The following PRLR variants were observed in gnomAD, a reference collection of about 807,000 sequenced individuals.
PRLR encodes hPRL receptor.
PRLR carries 13 observed loss-of-function variants against 40.2 expected under a neutral mutation model. The observed-to-expected ratio is 0.32, with a 90% CI of 0.21 to 0.51. The LOEUF is 0.51. Among genes scored for constraint, PRLR ranks in the 20% least tolerant of loss-of-function variants. The probability of loss-of-function intolerance (pLI) is 0.97; values close to 1 mark genes in which losing one functional copy is unlikely to be tolerated. For missense variants in PRLR, 656 were observed against 747.3 expected, an observed-to-expected ratio of 0.88 and a Z score of 1.42; for synonymous variants, 269 against 278.7, an observed-to-expected ratio of 0.97 and a Z score of 0.35.
intron 1 of PRLR, among the ~76,000 whole-genome samples, chr5:35,207,441 G>A (rs896327380): frequency 5.9e-5 from 9 of 151,890 alleles, no homozygotes; most frequent in Admixed American, 2.0e-4. Context: ...AGAATACCCC[G>A]TCAATAAATA....
At chr5:35,103,638 CTCT>C (rs754638146) in intron 2 of PRLR, among the ~76,000 whole-genome samples, 34 of 152,212 alleles carry the variant, frequency 2.2e-4, no homozygotes, top group Middle Eastern at 3.2e-3. Flanking sequence ...TGTGTAAACA[CTCT>C]TCTTAGTAGT....
At chr5:35,049,219 T>C (rs1768390153) in exon 9 of PRLR, 4 of 702,044 alleles carry the variant, frequency 5.7e-6, no homozygotes, top group African/African-American at 3.5e-5. Flanking sequence ...GGGTGCACAG[T>C]CTGTCCTGTG....
At chr5:35,141,812 C>T (rs905031046) in intron 1 of PRLR, among the ~76,000 whole-genome samples, 6 of 152,146 alleles carry the variant, frequency 3.9e-5, no homozygotes, top group African/African-American at 7.2e-5. Flanking sequence ...CCCTCCCACC[C>T]CCAACTCCTC....
intron 1 of PRLR, among the ~76,000 whole-genome samples, chr5:35,144,810 G>C (rs1200328236): frequency 2.0e-5 from 3 of 151,996 alleles, no homozygotes; most frequent in Non-Finnish European, 4.4e-5. Context: ...TCACTGTGTT[G>C]CCCAGGCTGA....
At chr5:35,200,826 G>C (rs1240060988) in intron 1 of PRLR, among the ~76,000 whole-genome samples, 1 of 152,160 alleles carries the variant, frequency 6.6e-6, no homozygotes, top group African/African-American at 2.4e-5. Flanking sequence ...ATATCCAACA[G>C]TTTAAAGAGT....
intron 1 of PRLR, among the ~76,000 whole-genome samples, chr5:35,196,308 A>G (rs1323871606): frequency 2.6e-5 from 4 of 152,194 alleles, no homozygotes; most frequent in Non-Finnish European, 5.9e-5. Flanking sequence ...GTAAGGTAAA[A>G]GGACAGGGAG....
At chr5:35,050,190 C>T (rs145127368) in intron 8 of PRLR, among the ~76,000 whole-genome samples, 108 of 152,266 alleles carry the variant, frequency 7.1e-4, no homozygotes, top group Admixed American at 1.3e-3. Flanking sequence ...TGAGCCACTG[C>T]GCCCGGCCGG....
chr5:35,086,815 C>T (rs181336034), intron 3 of PRLR, among the ~76,000 whole-genome samples: 11 of 152,134 alleles, frequency 7.2e-5, no homozygotes, highest in South Asian at 2.1e-4. Context: ...GGCAAAACAC[C>T]GCTCTATGGC....
At chr5:35,159,096 T>TTCTACAG (rs1774595225) in intron 1 of PRLR, among the ~76,000 whole-genome samples, 1 of 152,132 alleles carries the variant, frequency 6.6e-6, no homozygotes, top group African/African-American at 2.4e-5. Flanking sequence ...GAGTGGGGTG[T>TTCTACAG]CATGTTCTAC....
intron 1 of PRLR, among the ~76,000 whole-genome samples, chr5:35,180,302 C>T (rs1023832064): frequency 1.1e-4 from 16 of 152,242 alleles, no homozygotes; most frequent in Non-Finnish European, 1.9e-4. Flanking sequence ...AATACTGATC[C>T]GTGGCCTGGG....
At chr5:35,095,402 C>G (rs1771470833) in intron 2 of PRLR, among the ~76,000 whole-genome samples, 1 of 152,184 alleles carries the variant, frequency 6.6e-6, no homozygotes, top group African/African-American at 2.4e-5. Context: ...ATTTCAAACA[C>G]TAGACTTACA....
intron 1 of PRLR, among the ~76,000 whole-genome samples, chr5:35,189,161 A>G (rs1775529342): frequency 6.6e-6 from 1 of 152,192 alleles, no homozygotes; most frequent in Admixed American, 6.5e-5. Context: ...AAGTAACACT[A>G]AGGATGACCA....
intron 1 of PRLR, among the ~76,000 whole-genome samples, chr5:35,222,319 A>T (rs754212107): frequency 2.0e-5 from 3 of 150,494 alleles, no homozygotes; most frequent in African/African-American, 7.3e-5. Context: ...AAAAAAAAGC[A>T]GCTGTTTAAA....
chr5:35,081,736 T>C (rs555789650), intron 5 of PRLR: 5 of 152,808 alleles, frequency 3.3e-5, no homozygotes, highest in African/African-American at 1.2e-4. Context: ...TTCATTGTTT[T>C]ACCTTCAAAT....
intron 2 of PRLR, among the ~76,000 whole-genome samples, chr5:35,102,079 C>T (rs969582443): frequency 6.6e-6 from 1 of 152,040 alleles, no homozygotes; most frequent in Admixed American, 6.6e-5. Flanking sequence ...CTACCCGCCT[C>T]GGCCTCCCAA....
intron 1 of PRLR, among the ~76,000 whole-genome samples, chr5:35,174,087 G>GTTTT (rs58461577): frequency 1.5e-5 from 2 of 137,342 alleles, no homozygotes. Flanking sequence ...TGGGTGTTCG[G>GTTTT]TTTTTTTTTT....
chr5:35,229,257 G>A (rs538532017), intron 1 of PRLR, among the ~76,000 whole-genome samples: 196 of 151,808 alleles, frequency 1.3e-3, no homozygotes, highest in Middle Eastern at 3.4e-3. Context: ...GCACTTCCCT[G>A]GTCAAGTGAA....
In PRLR at chr5:35,111,812, T is replaced by G. The variant is rs554911350; in HGVS notation, c.-44+6249A>C. Among the ~76,000 whole-genome samples the G allele has an allele frequency of 2.0e-4, 31 of 152,338 alleles. No homozygotes were observed. In the South Asian group the frequency reaches 6.2e-3, roughly 31 times the overall value. On this transcript the variant is annotated intron_variant, in intron 2 of 9. Coordinates refer to ENST00000618457, the MANE Select transcript of PRLR (RefSeq NM_000949.7). ...AATCTAATATACATATCTCTATATG[T>G]GCACAGAAGAAAGACTGGAAATATA...
In PRLR at chr5:35,127,537, T is replaced by C. The variant is rs150601327; in HGVS notation, c.-105-9415A>G. On this transcript the variant is annotated intron_variant, in intron 1 of 9. Coordinates refer to ENST00000618457, the MANE Select transcript of PRLR (RefSeq NM_000949.7). ...ACTGTCATAGTAACTCATGTACAGC[T>C]AAAAAGGTGTACAATTCAGATTAAA... Among the ~76,000 whole-genome samples the C allele has an allele frequency of 2.8e-4, 43 of 152,278 alleles. 1 individual carries two copies. The East Asian group carries it at 7.9e-3, about 28-fold the overall frequency.
Sources: gnomAD v4.1 joint callset for allele counts (sites outside exome capture counted in the v4.1 genomes callset) on GRCh38, gnomAD v4.1.1 for gene constraint, MANE v1.5 for transcripts, NCBI Gene and HGNC (gene_info 2026-07-23, HGNC 2026-07-21) for gene names.